The following SORCS3 variants were observed in gnomAD, a reference collection of about 807,000 sequenced individuals.
SORCS3 encodes VPS10 domain-containing receptor SorCS3.
In SORCS3, 57 loss-of-function variants were observed where a neutral mutation model predicts 146.3. That is an observed-to-expected ratio of 0.39 (90% CI 0.31 to 0.49). SORCS3 has a LOEUF of 0.49. Ranked by LOEUF, SORCS3 falls within the 20% of genes least tolerant of loss-of-function variation. The pLI is 0.92. For synonymous variants in SORCS3, 653 were observed against 618.5 expected, an observed-to-expected ratio of 1.06 and a Z score of -0.83; for missense variants, 1,341 against 1,575.5, an observed-to-expected ratio of 0.85 and a Z score of 2.52.
intron 1 of SORCS3, among the ~76,000 whole-genome samples, chr10:104,835,261 C>G (rs1380121161): frequency 6.6e-6 from 1 of 152,172 alleles, no homozygotes; most frequent in Non-Finnish European, 1.5e-5. Context: ...TTAAAATACA[C>G]TCCTGCAGGC....
chr10:104,887,572 A>G (rs1359725748), intron 2 of SORCS3, among the ~76,000 whole-genome samples: 1 of 152,170 alleles, frequency 6.6e-6, no homozygotes, highest in Non-Finnish European at 1.5e-5. Flanking sequence ...GAGTCCGGTT[A>G]TAGGAAAGGG....
chr10:104,831,713 T>A (rs1005918351), intron 1 of SORCS3, among the ~76,000 whole-genome samples: 1 of 152,226 alleles, frequency 6.6e-6, no homozygotes, highest in Non-Finnish European at 1.5e-5. Flanking sequence ...ACAACCTAGA[T>A]ACCTTTAACA....
intron 1 of SORCS3, among the ~76,000 whole-genome samples, chr10:104,663,637 A>C (rs995108174): frequency 1.3e-5 from 2 of 152,166 alleles, no homozygotes; most frequent in African/African-American, 4.8e-5. Context: ...AATACTGGCC[A>C]CACAAGCCTG....
chr10:105,192,810 C>G (rs1420792318), intron 14 of SORCS3, among the ~76,000 whole-genome samples: 2 of 152,122 alleles, frequency 1.3e-5, no homozygotes, highest in Admixed American at 6.6e-5. Context: ...TGAAACTTCT[C>G]TCAGCTTTCA....
intron 5 of SORCS3, among the ~76,000 whole-genome samples, chr10:105,052,692 C>T (rs1050421675): frequency 2.6e-5 from 4 of 152,026 alleles, no homozygotes; most frequent in African/African-American, 9.7e-5. Flanking sequence ...GAGTTGTTCA[C>T]TTCCATGAGC....
chr10:104,851,669 GA>G (rs2018275237), intron 2 of SORCS3, among the ~76,000 whole-genome samples: 1 of 152,006 alleles, frequency 6.6e-6, no homozygotes, highest in African/African-American at 2.4e-5. Flanking sequence ...GAAGCCAAAA[GA>G]AAAAGAAAAA....
chr10:105,117,446 A>G (rs1163543099), intron 7 of SORCS3, among the ~76,000 whole-genome samples: 1 of 152,070 alleles, frequency 6.6e-6, no homozygotes, highest in African/African-American at 2.4e-5. Context: ...TCCCCATATA[A>G]ATGAGATTCC....
chr10:105,100,386 A>G (rs1694620859), intron 6 of SORCS3, among the ~76,000 whole-genome samples: 1 of 152,238 alleles, frequency 6.6e-6, no homozygotes, highest in South Asian at 2.1e-4. Context: ...TCATTTGAGG[A>G]TATTTCAAAG....
chr10:105,263,264 T>C, intron 26 of SORCS3, 46 bp from the exon 27 acceptor site: 1 of 1,588,336 alleles, frequency 6.3e-7, no homozygotes, highest in Non-Finnish European at 8.6e-7. Flanking sequence ...TCCCTGCCCT[T>C]GTGGAACTCA....
intron 16 of SORCS3, among the ~76,000 whole-genome samples, chr10:105,203,211 A>C (rs1013629220): frequency 4.5e-4 from 68 of 152,326 alleles, no homozygotes; most frequent in African/African-American, 1.6e-3. Context: ...GAAATTCATG[A>C]AAATGAGATA....
At chr10:104,948,046 C>T (rs2019391539) in intron 3 of SORCS3, among the ~76,000 whole-genome samples, 1 of 152,216 alleles carries the variant, frequency 6.6e-6, no homozygotes, top group Non-Finnish European at 1.5e-5. Context: ...TGACTGGCAA[C>T]AGGCTAAGAG....
intron 5 of SORCS3, among the ~76,000 whole-genome samples, chr10:105,044,510 C>T (rs1186225565): frequency 6.6e-6 from 1 of 152,148 alleles, no homozygotes; most frequent in Non-Finnish European, 1.5e-5. Context: ...ATGCCTTACA[C>T]AACTTAGGGA....
At chr10:105,116,506 C>A (rs551103690) in intron 7 of SORCS3, among the ~76,000 whole-genome samples, 42 of 152,266 alleles carry the variant, frequency 2.8e-4, no homozygotes, top group African/African-American at 1.0e-3. Flanking sequence ...AACAGGATTA[C>A]CATTCGACCC....
chr10:104,987,677 T>C (rs2054970193), intron 4 of SORCS3, among the ~76,000 whole-genome samples: 1 of 152,132 alleles, frequency 6.6e-6, no homozygotes, highest in Non-Finnish European at 1.5e-5. Flanking sequence ...TCTTGTTGGA[T>C]GTAACCTCAA....
intron 1 of SORCS3, among the ~76,000 whole-genome samples, chr10:104,705,832 A>G (rs1310402584): frequency 6.6e-6 from 1 of 152,214 alleles, no homozygotes; most frequent in African/African-American, 2.4e-5. Context: ...TAATTTGTTA[A>G]ATAAATGTGA....
chr10:104,649,789 GAATA>G (rs1278270073), intron 1 of SORCS3, among the ~76,000 whole-genome samples: 9 of 152,318 alleles, frequency 5.9e-5, no homozygotes, highest in Non-Finnish European at 1.3e-4. Flanking sequence ...AATAAGCTAT[GAATA>G]AATTTAACAT....
intron 8 of SORCS3, among the ~76,000 whole-genome samples, chr10:105,140,704 A>G (rs1411550156): frequency 6.6e-6 from 1 of 152,212 alleles, no homozygotes; most frequent in Non-Finnish European, 1.5e-5. Context: ...AGCACCGTTC[A>G]TTCAACAAAC....
At chr10:105,068,894 A>C (rs1457549292) in intron 5 of SORCS3, among the ~76,000 whole-genome samples, 1 of 152,248 alleles carries the variant, frequency 6.6e-6, no homozygotes, top group African/African-American at 2.4e-5. Context: ...TAGATCATAA[A>C]GAGATATATT....
intron 20 of SORCS3, among the ~76,000 whole-genome samples, chr10:105,227,985 TTGTGTG>T (rs59033040): frequency 0.27 from 34,527 of 128,760 alleles, 3,656 homozygotes; most frequent in Admixed American, 0.33. Flanking sequence ...TGTGGTCATT[TTGTGTG>T]TGTGTGTGTG....
Sources: allele counts gnomAD v4.1 joint callset (sites outside exome capture counted in the v4.1 genomes callset), GRCh38; gene constraint gnomAD v4.1.1; transcripts MANE v1.5; gene names NCBI Gene and HGNC (gene_info 2026-07-23, HGNC 2026-07-21).